ELOVL6: variants seen among roughly 807,000 people sequenced by gnomAD.
ELOVL6 encodes very long chain fatty acid elongase 6.
ELOVL6 carries 8 observed loss-of-function variants against 31.7 expected under a neutral mutation model. The ratio of observed to expected loss-of-function variants is 0.25; its 90% CI spans 0.15 to 0.45. ELOVL6 has a LOEUF of 0.45. ELOVL6 is among the 20% of genes least tolerant of loss of function. ELOVL6 has a pLI of 1.00. For synonymous variants in ELOVL6, 101 were observed against 117.7 expected, an observed-to-expected ratio of 0.86 and a Z score of 0.92; for missense variants, 126 against 326.4, an observed-to-expected ratio of 0.39 and a Z score of 4.73.
intron 2 of ELOVL6, among the ~76,000 whole-genome samples, chr4:110,079,409 T>G (rs1357864420): frequency 6.6e-6 from 1 of 152,006 alleles, no homozygotes; most frequent in African/African-American, 2.4e-5. Context: ...CACGGTGCAA[T>G]CAAACTAGAA....
chr4:110,093,278 T>C (rs1349854578), intron 2 of ELOVL6: 1 of 280,248 alleles, frequency 3.6e-6, no homozygotes, highest in Non-Finnish European at 7.1e-6. Context: ...AGTAAATATC[T>C]GTGAGAACTG....
At chr4:110,133,770 T>C (rs1354348095) in intron 1 of ELOVL6, among the ~76,000 whole-genome samples, 1 of 152,218 alleles carries the variant, frequency 6.6e-6, no homozygotes, top group Admixed American at 6.5e-5. Flanking sequence ...CAAATTAAAC[T>C]AGAGTATTTC....
chr4:110,150,599 A>G, intron 1 of ELOVL6, among the ~76,000 whole-genome samples: 1 of 152,224 alleles, frequency 6.6e-6, no homozygotes, highest in East Asian at 1.9e-4. Context: ...AAAACTAAAA[A>G]TGCTTAAAAT....
At chr4:110,182,478 T>G (rs1173664854) in intron 1 of ELOVL6, among the ~76,000 whole-genome samples, 1 of 152,230 alleles carries the variant, frequency 6.6e-6, no homozygotes, top group Admixed American at 6.5e-5. Context: ...GTATTGTACA[T>G]ACATCTTTGT....
chr4:110,174,441 C>G (rs1456638270), intron 1 of ELOVL6, among the ~76,000 whole-genome samples: 3 of 152,188 alleles, frequency 2.0e-5, no homozygotes, highest in Non-Finnish European at 4.4e-5. Context: ...GCTGAAATTA[C>G]AGGTGTGAGC....
intron 1 of ELOVL6, among the ~76,000 whole-genome samples, chr4:110,114,394 CAT>C (rs1185930296): frequency 6.6e-6 from 1 of 151,932 alleles, no homozygotes; most frequent in African/African-American, 2.4e-5. Context: ...TGACCCTAGA[CAT>C]ATAGAATCTC....
At chr4:110,084,248 A>G (rs1390258948) in intron 2 of ELOVL6, among the ~76,000 whole-genome samples, 1 of 136,174 alleles carries the variant, frequency 7.3e-6, no homozygotes, top group Non-Finnish European at 1.5e-5. Context: ...TATATGATAT[A>G]TATAACATAT....
intron 2 of ELOVL6, among the ~76,000 whole-genome samples, chr4:110,080,263 C>T (rs1272941408): frequency 6.6e-6 from 1 of 152,164 alleles, no homozygotes; most frequent in Non-Finnish European, 1.5e-5. Context: ...CATCCTGATA[C>T]CAAAGCCTGG....
intron 2 of ELOVL6, among the ~76,000 whole-genome samples, chr4:110,069,086 C>T (rs1170957610): frequency 6.6e-6 from 1 of 150,920 alleles, no homozygotes; most frequent in South Asian, 2.1e-4. Flanking sequence ...GCCAAGATTG[C>T]GCCACTGCAC....
At chr4:110,179,941 T>C (rs1021667231) in intron 1 of ELOVL6, among the ~76,000 whole-genome samples, 14 of 152,352 alleles carry the variant, frequency 9.2e-5, no homozygotes, top group Admixed American at 5.2e-4. Flanking sequence ...AGCTTCACAC[T>C]CCCTATTCCT....
At chr4:110,059,436 G>C (rs890419169) in intron 3 of ELOVL6, among the ~76,000 whole-genome samples, 167 bp downstream of exon 3, 3 of 152,066 alleles carry the variant, frequency 2.0e-5, no homozygotes, top group Non-Finnish European at 4.4e-5. Context: ...AAGGAAAGAG[G>C]GAGCGAACAA....
intron 2 of ELOVL6, among the ~76,000 whole-genome samples, chr4:110,073,969 AT>A (rs1295605846): frequency 6.6e-6 from 1 of 152,234 alleles, no homozygotes; most frequent in African/African-American, 2.4e-5. Flanking sequence ...ACAAAATCCC[AT>A]AATTCCTCAA....
chr4:110,178,445 G>A (rs927747817), intron 1 of ELOVL6, among the ~76,000 whole-genome samples: 3 of 152,066 alleles, frequency 2.0e-5, no homozygotes, highest in Non-Finnish European at 4.4e-5. Context: ...GGGAGGCTGA[G>A]GCAGAAGAAT....
intron 1 of ELOVL6, among the ~76,000 whole-genome samples, chr4:110,140,017 A>G (rs902472521): frequency 7.2e-5 from 11 of 152,160 alleles, no homozygotes; most frequent in African/African-American, 2.7e-4. Context: ...TGTGGTGATT[A>G]TCTATGACTT....
At chr4:110,099,728 T>G (rs1262824832) in intron 2 of ELOVL6, among the ~76,000 whole-genome samples, 1 of 152,180 alleles carries the variant, frequency 6.6e-6, no homozygotes, top group Non-Finnish European at 1.5e-5. Context: ...GACAGGTAAC[T>G]GGTAGAGGCT....
chr4:110,157,171 C>T (rs1758457021), intron 1 of ELOVL6, among the ~76,000 whole-genome samples: 1 of 152,132 alleles, frequency 6.6e-6, no homozygotes, highest in African/African-American at 2.4e-5. Context: ...ATTTTATTCG[C>T]CCCTAGTGTC....
intron 1 of ELOVL6, among the ~76,000 whole-genome samples, chr4:110,121,327 T>C (rs1462426533): frequency 1.3e-5 from 2 of 152,176 alleles, no homozygotes; most frequent in African/African-American, 4.8e-5. Flanking sequence ...TAAATTCAGC[T>C]AAGTTTGCAT....
At chr4:110,084,852 C>T (rs975208335) in intron 2 of ELOVL6, among the ~76,000 whole-genome samples, 5 of 151,550 alleles carry the variant, frequency 3.3e-5, no homozygotes, top group South Asian at 2.1e-4. Context: ...CTTGGCTTCC[C>T]AAAGTGCTGG....
intron 1 of ELOVL6, among the ~76,000 whole-genome samples, chr4:110,161,907 T>C (rs945682732): frequency 6.6e-6 from 1 of 152,218 alleles, no homozygotes; most frequent in Non-Finnish European, 1.5e-5. Flanking sequence ...ACAAGTTCAG[T>C]GTTTGCGGTG....
Sources: allele counts gnomAD v4.1 joint callset (sites outside exome capture counted in the v4.1 genomes callset), GRCh38; gene constraint gnomAD v4.1.1; transcripts MANE v1.5; gene names NCBI Gene and HGNC (gene_info 2026-07-23, HGNC 2026-07-21).